SLC24A2: variants seen among roughly 807,000 people sequenced by gnomAD.
SLC24A2 encodes the protein sodium/potassium/calcium exchanger 2.
SLC24A2 carries 36 observed loss-of-function variants against 62.0 expected under a neutral mutation model. The observed-to-expected ratio is 0.58, with a 90% confidence interval of 0.44 to 0.77. The LOEUF (loss-of-function observed/expected upper bound fraction) is 0.77, where lower values mean the gene tolerates loss of function less well. Ranked by LOEUF, SLC24A2 falls within the 30% of genes least tolerant of loss-of-function variation. The probability of loss-of-function intolerance (pLI) is 0.00; values close to 1 mark genes in which losing one functional copy is unlikely to be tolerated. For synonymous variants in SLC24A2, 358 were observed against 294.0 expected (o/e 1.22, Z -2.23); for missense variants, 846 against 817.9 (o/e 1.03, Z -0.42).
chr9:19,845,339 T>C, the SLC24A2 span, among the ~76,000 whole-genome samples: 1 of 152,180 alleles, frequency 6.6e-6, no homozygotes, highest in Non-Finnish European at 1.5e-5. Context: ...TGTGTGGAAA[T>C]GCTACTGATT....
chr9:19,762,171 T>C (rs1020037329), intron 2 of SLC24A2, among the ~76,000 whole-genome samples: 1 of 152,182 alleles, frequency 6.6e-6, no homozygotes, highest in Admixed American at 6.5e-5. Flanking sequence ...TTTTTTCTTG[T>C]AAATTTGTTG....
chr9:20,105,357 A>C, the SLC24A2 span, among the ~76,000 whole-genome samples: 3 of 152,204 alleles, frequency 2.0e-5, no homozygotes, highest in Admixed American at 1.3e-4. Flanking sequence ...CCTAATAGAC[A>C]TCTACAGAAC....
At chr9:20,006,792 G>C in the SLC24A2 span, among the ~76,000 whole-genome samples, 3 of 152,000 alleles carry the variant, frequency 2.0e-5, no homozygotes, top group African/African-American at 7.2e-5. Flanking sequence ...TGTATGCCTT[G>C]GTACTACAAA....
the SLC24A2 span, among the ~76,000 whole-genome samples, chr9:20,141,524 G>T: frequency 6.6e-6 from 1 of 151,704 alleles, no homozygotes; most frequent in African/African-American, 2.4e-5. Flanking sequence ...ACCAGCTGAC[G>T]GTATGTCACA....
chr9:19,751,007 C>A (rs1463657150), intron 2 of SLC24A2, among the ~76,000 whole-genome samples: 1 of 152,170 alleles, frequency 6.6e-6, no homozygotes, highest in African/African-American at 2.4e-5. Context: ...AGTTTGTATA[C>A]CCACAGCATT....
chr9:20,260,940 C>T, the SLC24A2 span, among the ~76,000 whole-genome samples: 1 of 148,540 alleles, frequency 6.7e-6, no homozygotes, highest in African/African-American at 2.5e-5. Context: ...ACTGCAACCT[C>T]CACCTCCCGG....
chr9:20,116,501 C>T, the SLC24A2 span, among the ~76,000 whole-genome samples: 205 of 152,266 alleles, frequency 1.3e-3, 1 homozygote, highest in Non-Finnish European at 1.0e-3. Context: ...AGGCTAACTT[C>T]GCTCTTCGTA....
intron 8 of SLC24A2, among the ~76,000 whole-genome samples, chr9:19,531,244 T>C (rs1434077292): frequency 6.6e-6 from 1 of 152,230 alleles, no homozygotes; most frequent in Admixed American, 6.5e-5. Context: ...TCTTTCATTT[T>C]TCTTGGACCA....
At chr9:20,226,352 C>A in the SLC24A2 span, among the ~76,000 whole-genome samples, 19 of 152,258 alleles carry the variant, frequency 1.2e-4, no homozygotes, top group South Asian at 2.1e-3. Flanking sequence ...AGCCAGACAT[C>A]AGTCGGTAAT....
At chr9:19,686,407 C>T (rs1055735405) in intron 2 of SLC24A2, among the ~76,000 whole-genome samples, 1 of 152,042 alleles carries the variant, frequency 6.6e-6, no homozygotes, top group African/African-American at 2.4e-5. Flanking sequence ...CCAATACTGG[C>T]TATATACCTA....
the SLC24A2 span, among the ~76,000 whole-genome samples, chr9:20,068,351 C>A: frequency 6.6e-6 from 1 of 151,972 alleles, no homozygotes; most frequent in Admixed American, 6.6e-5. Flanking sequence ...TGTGAGCCAC[C>A]GCACCTAGCC....
At chr9:20,263,868 C>G in the SLC24A2 span, among the ~76,000 whole-genome samples, 1 of 111,368 alleles carries the variant, frequency 9.0e-6, no homozygotes, top group Non-Finnish European at 1.9e-5. Context: ...CCCGCCCCCC[C>G]CCCCCCATTA....
intron 8 of SLC24A2, among the ~76,000 whole-genome samples, chr9:19,529,377 C>T (rs559437185): frequency 8.5e-5 from 13 of 152,296 alleles, no homozygotes; most frequent in African/African-American, 3.1e-4. Context: ...TGAACACAGT[C>T]TCTATTGCTC....
At chr9:19,880,453 C>A in the SLC24A2 span, among the ~76,000 whole-genome samples, 1 of 152,154 alleles carries the variant, frequency 6.6e-6, no homozygotes, top group African/African-American at 2.4e-5. Flanking sequence ...GACCCTTGGG[C>A]CAATATGTCA....
At chr9:19,916,416 G>A in the SLC24A2 span, among the ~76,000 whole-genome samples, 1 of 151,878 alleles carries the variant, frequency 6.6e-6, no homozygotes, top group Admixed American at 6.6e-5. Context: ...TTTTTTTAAA[G>A]TACTATGTGC....
intron 8 of SLC24A2, among the ~76,000 whole-genome samples, chr9:19,535,076 T>C (rs573673132): frequency 2.0e-5 from 3 of 152,234 alleles, no homozygotes; most frequent in African/African-American, 7.2e-5. Context: ...TAGTATCTCA[T>C]TGTGGTTTTG....
upstream of SLC24A2, among the ~76,000 whole-genome samples, chr9:19,790,271 A>G (rs1823298370): frequency 1.3e-5 from 2 of 152,308 alleles, no homozygotes; most frequent in African/African-American, 4.8e-5. Context: ...TCAAACATAT[A>G]CAAATGTAAG....
At chr9:19,629,314 T>C (rs1279255929) in intron 2 of SLC24A2, among the ~76,000 whole-genome samples, 1 of 152,146 alleles carries the variant, frequency 6.6e-6, no homozygotes, top group African/African-American at 2.4e-5. Flanking sequence ...AAAAAATAGT[T>C]CACATATATT....
chr9:19,723,296 G>A (rs1260805364), intron 2 of SLC24A2, among the ~76,000 whole-genome samples: 1 of 151,828 alleles, frequency 6.6e-6, no homozygotes, highest in Non-Finnish European at 1.5e-5. Context: ...TATTTTTGTT[G>A]CACAGATGTG....
Sources: allele counts gnomAD v4.1 joint callset (sites outside exome capture counted in the v4.1 genomes callset), GRCh38; gene constraint gnomAD v4.1.1; transcripts MANE v1.5; gene names NCBI Gene and HGNC (gene_info 2026-07-23, HGNC 2026-07-21).